Variants in SKAP2 observed in about 807,000 individuals in gnomAD.
SKAP2 encodes src kinase-associated phosphoprotein 2.
A neutral mutation model predicts 54.9 loss-of-function variants in SKAP2; 28 were observed. The ratio of observed to expected loss-of-function variants is 0.51; its 90% CI spans 0.38 to 0.70. The LOEUF (loss-of-function observed/expected upper bound fraction) is 0.70, where lower values mean the gene tolerates loss of function less well. SKAP2 is among the 30% of genes least tolerant of loss of function. SKAP2 has a pLI of 0.00. For synonymous variants in SKAP2, 137 were observed against 134.3 expected (o/e 1.02, Z -0.14); for missense variants, 356 against 424.1 (o/e 0.84, Z 1.41).
chr7:26,773,966 C>G (rs562106351), intron 4 of SKAP2, among the ~76,000 whole-genome samples: 1 of 152,224 alleles, frequency 6.6e-6, no homozygotes, highest in Admixed American at 6.5e-5. Context: ...TCACTTGGTA[C>G]ATGTCTCCTC....
intron 7 of SKAP2, chr7:26,726,647 G>A: frequency 2.9e-6 from 1 of 344,070 alleles, no homozygotes; most frequent in Non-Finnish European, 5.3e-6. Context: ...AACATGTGAA[G>A]TAATTGATAA....
chr7:26,815,252 T>TA (rs553840227), intron 4 of SKAP2, among the ~76,000 whole-genome samples: 20 of 152,106 alleles, frequency 1.3e-4, no homozygotes, highest in Non-Finnish European at 2.6e-4. Context: ...TAAAAACACA[T>TA]ACAGGTTTGA....
intron 11 of SKAP2, among the ~76,000 whole-genome samples, chr7:26,676,439 C>T (rs1355251936): frequency 1.3e-5 from 2 of 152,140 alleles, no homozygotes; most frequent in African/African-American, 4.8e-5. Context: ...CTCAGAAACA[C>T]CATTGTCTTT....
At chr7:26,740,011 T>C (rs1782399435) in intron 4 of SKAP2, 47 bp from the exon 5 acceptor site, 1 of 1,233,700 alleles carries the variant, frequency 8.1e-7, no homozygotes, top group African/African-American at 1.5e-5. Flanking sequence ...GGTAATCCAT[T>C]TCAGAATAAA....
the SKAP2 span, among the ~76,000 whole-genome samples, chr7:26,656,107 G>A: frequency 6.6e-6 from 1 of 152,238 alleles, no homozygotes; most frequent in African/African-American, 2.4e-5. Flanking sequence ...CCAACAGAAT[G>A]AGCCCTTTGC....
chr7:26,753,601 T>C (rs1782730328), intron 4 of SKAP2, among the ~76,000 whole-genome samples: 2 of 152,218 alleles, frequency 1.3e-5, no homozygotes, highest in South Asian at 4.1e-4. Context: ...TAAAACAATT[T>C]TGTAAACATT....
chr7:26,702,444 T>C (rs1421354154), intron 9 of SKAP2, among the ~76,000 whole-genome samples: 3 of 152,110 alleles, frequency 2.0e-5, no homozygotes, highest in Non-Finnish European at 4.4e-5. Flanking sequence ...CGCCCAGCCA[T>C]GTTTGAACCG....
At chr7:26,851,569 G>A (rs1485778865) in intron 3 of SKAP2, among the ~76,000 whole-genome samples, 2 of 152,028 alleles carry the variant, frequency 1.3e-5, no homozygotes, top group Non-Finnish European at 2.9e-5. Flanking sequence ...CCTGTTGAGG[G>A]GTGGTGGGGG....
At chr7:26,818,018 T>G (rs967969335) in intron 4 of SKAP2, among the ~76,000 whole-genome samples, 2 of 152,144 alleles carry the variant, frequency 1.3e-5, no homozygotes, top group Non-Finnish European at 2.9e-5. Context: ...CTACCCAAAG[T>G]AATTTATAGA....
At chr7:26,740,151 T>TAAAAAAAAAAAAAAAAAA (rs60264987) in intron 4 of SKAP2, among the ~76,000 whole-genome samples, 187 bp from the exon 5 acceptor site, 1 of 129,852 alleles carries the variant, frequency 7.7e-6, no homozygotes. Context: ...GTCTCAAAAG[T>TAAAAAAAAAAAAAAAAAA]AAAAAAAAAA....
At chr7:26,701,457 G>C (rs1316288379) in intron 9 of SKAP2, among the ~76,000 whole-genome samples, 1 of 152,112 alleles carries the variant, frequency 6.6e-6, no homozygotes, top group Admixed American at 6.5e-5. Flanking sequence ...TTCAGGCTGG[G>C]CGCAGTGGCT....
At chr7:26,788,040 C>T (rs944151069) in intron 4 of SKAP2, among the ~76,000 whole-genome samples, 2 of 152,066 alleles carry the variant, frequency 1.3e-5, no homozygotes. Context: ...ATCATATCAC[C>T]ACCTCTTTTC....
intron 4 of SKAP2, among the ~76,000 whole-genome samples, chr7:26,784,376 CG>C (rs1200658137): frequency 1.3e-5 from 2 of 152,152 alleles, no homozygotes; most frequent in Non-Finnish European, 2.9e-5. Context: ...TTTTCCTCCA[CG>C]GTGAGAGTAT....
intron 6 of SKAP2, among the ~76,000 whole-genome samples, chr7:26,730,502 A>C (rs867367990): frequency 6.6e-6 from 1 of 152,204 alleles, no homozygotes; most frequent in African/African-American, 2.4e-5. Flanking sequence ...AAATCTTTTA[A>C]ACATAACATT....
intron 9 of SKAP2, among the ~76,000 whole-genome samples, chr7:26,691,821 G>A (rs956120559): frequency 2.6e-5 from 4 of 152,174 alleles, no homozygotes; most frequent in Non-Finnish European, 5.9e-5. Context: ...AAAAAGGCAT[G>A]TTCATATTCA....
chr7:26,793,402 G>A (rs3801839), intron 4 of SKAP2, among the ~76,000 whole-genome samples: 63,628 of 152,018 alleles, frequency 0.42, 14,543 homozygotes, highest in East Asian at 0.58. Flanking sequence ...CCATACAAGA[G>A]AAGCCACTTC....
chr7:26,857,600 G>A (rs1785198846), intron 1 of SKAP2: 3 of 985,398 alleles, frequency 3.0e-6, no homozygotes, highest in Non-Finnish European at 3.6e-6. Flanking sequence ...AAGTTGTAGG[G>A]CTGCGAGATG....
intron 1 of SKAP2, among the ~76,000 whole-genome samples, chr7:26,864,012 T>A (rs1461317551): frequency 6.6e-6 from 1 of 150,604 alleles, no homozygotes; most frequent in African/African-American, 2.4e-5. Context: ...ATTATCATTA[T>A]CATTCTCTCT....
chr7:26,845,359 ATTCCTAT>A (rs1351986325), intron 3 of SKAP2, among the ~76,000 whole-genome samples: 1 of 152,158 alleles, frequency 6.6e-6, no homozygotes, highest in Non-Finnish European at 1.5e-5. Flanking sequence ...AAAAATACAT[ATTCCTAT>A]TTCCTTATAA....
Sources: gnomAD v4.1 joint callset for allele counts (sites outside exome capture counted in the v4.1 genomes callset) on GRCh38, gnomAD v4.1.1 for gene constraint, MANE v1.5 for transcripts, NCBI Gene and HGNC (gene_info 2026-07-23, HGNC 2026-07-21) for gene names.